RANBP2: variants seen among roughly 807,000 people sequenced by gnomAD.
RANBP2 encodes the protein E3 SUMO-protein ligase RanBP2.
A neutral mutation model predicts 303.6 loss-of-function variants in RANBP2; 57 were observed. The observed-to-expected ratio is 0.19, with a 90% CI of 0.15 to 0.23. RANBP2 has a LOEUF of 0.23. Ranked by LOEUF, RANBP2 falls within the 10% of genes least tolerant of loss-of-function variation. RANBP2 has a pLI of 1.00. For missense variants in RANBP2, 3,138 were observed against 3,780.8 expected, an observed-to-expected ratio of 0.83 and a Z score of 4.46; for synonymous variants, 1,167 against 1,301.5, an observed-to-expected ratio of 0.90 and a Z score of 2.23.
chr2:108,870,207 G>A, the RANBP2 span, among the ~76,000 whole-genome samples: 2 of 152,148 alleles, frequency 1.3e-5, no homozygotes, highest in East Asian at 3.9e-4. Flanking sequence ...GGAAAATACA[G>A]TAGCTGAATT....
In RANBP2 at chr2:108,767,796, A is replaced by G; in HGVS notation, c.7257A>G (p.Leu2419=). ...ATGGAGAAAGAAAAGTAGAGCATTTAGCTGTTCGTTTTAAACTACAGGATG... is the reference window on the plus strand; with the variant it reads ...ATGGAGAAAGAAAAGTAGAGCATTTGGCTGTTCGTTTTAAACTACAGGATG... The part of the protein sequence containing the change: ...FADGERKVEH[L]AVRFKLQDVA... The change falls in exon 20 of 29, where the codon TTA becomes TTG. Residue 2419 remains leucine, a synonymous_variant. Transcript: ENST00000283195. 6.2e-7 allele frequency: 1 copy of G among 1,611,704 alleles called. No individual in the cohort carries two copies. Among genetic ancestry groups the G allele is most frequent in the Non-Finnish European group, 8.5e-7 (1 of 1,179,866 alleles).
the RANBP2 span, among the ~76,000 whole-genome samples, chr2:109,454,463 C>T: frequency 2.0e-5 from 3 of 152,188 alleles, no homozygotes; most frequent in Non-Finnish European, 4.4e-5. Flanking sequence ...CTTGCCTCCT[C>T]GGGGTTCTGA....
chr2:109,717,081 A>G, the RANBP2 span, among the ~76,000 whole-genome samples: 1 of 152,210 alleles, frequency 6.6e-6, no homozygotes, highest in Non-Finnish European at 1.5e-5. Context: ...AAAAAGTAAG[A>G]GATAAAATTT....
At chr2:109,511,420 C>A in the RANBP2 span, among the ~76,000 whole-genome samples, 3 of 152,202 alleles carry the variant, frequency 2.0e-5, no homozygotes, top group African/African-American at 7.2e-5. Context: ...ACAAAAAGTT[C>A]TCCCGCAATC....
the RANBP2 span, among the ~76,000 whole-genome samples, chr2:109,509,296 G>A: frequency 2.0e-5 from 3 of 152,200 alleles, no homozygotes; most frequent in African/African-American, 7.2e-5. Flanking sequence ...GGAAAGAAGT[G>A]TGCAAACCCA....
chr2:108,904,189 A>G, the RANBP2 span, among the ~76,000 whole-genome samples: 3 of 152,210 alleles, frequency 2.0e-5, no homozygotes, highest in African/African-American at 7.2e-5. Context: ...ACTGAAGAGG[A>G]CACACAGATG....
At chr2:109,546,350 A>G in the RANBP2 span, 3 of 555,354 alleles carry the variant, frequency 5.4e-6, no homozygotes, top group East Asian at 9.3e-5. Flanking sequence ...TAACCTACAC[A>G]GTCAAAATCT....
At chr2:109,337,419 C>G in the RANBP2 span, among the ~76,000 whole-genome samples, 350 of 152,338 alleles carry the variant, frequency 2.3e-3, 1 homozygote, top group Middle Eastern at 0.014. Context: ...GTGTCCTTAG[C>G]GCCTTGCACT....
At chr2:109,546,402 A>G in the RANBP2 span, among the ~76,000 whole-genome samples, 1 of 152,178 alleles carries the variant, frequency 6.6e-6, no homozygotes, top group Non-Finnish European at 1.5e-5. Context: ...AAAAGTTTAC[A>G]TATGGAATTC....
chr2:109,270,205 C>G, the RANBP2 span, among the ~76,000 whole-genome samples: 1 of 152,162 alleles, frequency 6.6e-6, no homozygotes, highest in African/African-American at 2.4e-5. Context: ...AGCATGTGGC[C>G]TGTCACAAGG....
At chr2:109,108,788 G>A in the RANBP2 span, among the ~76,000 whole-genome samples, 5 of 152,242 alleles carry the variant, frequency 3.3e-5, 1 homozygote, top group Admixed American at 3.3e-4. Flanking sequence ...CCCCTGTGGC[G>A]CCCTCCTAGG....
chr2:109,318,100 CAA>C, the RANBP2 span, among the ~76,000 whole-genome samples: 2 of 134,528 alleles, frequency 1.5e-5, no homozygotes. Flanking sequence ...TTTCAGTACG[CAA>C]AAAAAAAAAG....
At chr2:109,289,947 T>A in the RANBP2 span, among the ~76,000 whole-genome samples, 1 of 152,222 alleles carries the variant, frequency 6.6e-6, no homozygotes, top group Non-Finnish European at 1.5e-5. Context: ...CCTATGGGGC[T>A]CTTGGAGTAG....
chr2:109,085,237 A>G, the RANBP2 span, among the ~76,000 whole-genome samples: 8 of 152,258 alleles, frequency 5.3e-5, no homozygotes, highest in African/African-American at 1.9e-4. Context: ...CAGGGGGCAC[A>G]TCAGTGATCA....
At chr2:109,271,880 A>T in the RANBP2 span, among the ~76,000 whole-genome samples, 4 of 152,348 alleles carry the variant, frequency 2.6e-5, no homozygotes, top group Admixed American at 6.5e-5. Context: ...GAATCATCCC[A>T]AGGCAGAATT....
the RANBP2 span, among the ~76,000 whole-genome samples, chr2:108,816,793 C>T: frequency 6.6e-6 from 1 of 152,110 alleles, no homozygotes; most frequent in Non-Finnish European, 1.5e-5. Flanking sequence ...AACTCCTAGC[C>T]TCAAGTAGTC....
chr2:108,759,724 T>TAC (rs1250221479), intron 18 of RANBP2, among the ~76,000 whole-genome samples: 1 of 152,208 alleles, frequency 6.6e-6, no homozygotes, highest in African/African-American at 2.4e-5. Flanking sequence ...CTTAAAACCT[T>TAC]ACACATCATA....
the RANBP2 span, among the ~76,000 whole-genome samples, chr2:109,425,671 A>G: frequency 0.011 from 1,602 of 151,156 alleles, 26 homozygotes; most frequent in African/African-American, 0.033. Flanking sequence ...TGAATATTGT[A>G]AGTCCATTGT....
chr2:109,574,819 T>C, the RANBP2 span: 2 of 1,328,612 alleles, frequency 1.5e-6, no homozygotes, highest in Non-Finnish European at 2.0e-6. Flanking sequence ...TACCTTAAGA[T>C]ATCTGTGCAA....
Sources: gnomAD v4.1 joint callset for allele counts (sites outside exome capture counted in the v4.1 genomes callset) on GRCh38, gnomAD v4.1.1 for gene constraint, MANE v1.5 for transcripts, NCBI Gene and HGNC (gene_info 2026-07-23, HGNC 2026-07-21) for gene names.